AFF1: variants seen among roughly 807,000 people sequenced by gnomAD.
AFF1 encodes the protein ALF transcription elongation factor 1.
Under a neutral mutation model 121.7 loss-of-function variants are expected in AFF1, and 48 were observed. That is an observed-to-expected ratio of 0.39 (90% CI 0.31 to 0.50). The LOEUF is 0.50. Ranked by LOEUF, AFF1 falls within the 20% of genes least tolerant of loss-of-function variation. AFF1 has a pLI of 0.76. For missense variants in AFF1, 1,523 were observed against 1,511.7 expected (o/e 1.01, Z -0.12); for synonymous variants, 613 against 563.0 (o/e 1.09, Z -1.26).
intron 2 of AFF1, among the ~76,000 whole-genome samples, chr4:87,016,461 G>C (rs1488132716): frequency 6.6e-6 from 1 of 151,262 alleles, no homozygotes; most frequent in Non-Finnish European, 1.5e-5. Flanking sequence ...TGAGGCAGGA[G>C]AATGGCATAA....
intron 2 of AFF1, among the ~76,000 whole-genome samples, chr4:86,953,504 A>G (rs1256559430): frequency 1.3e-5 from 2 of 152,188 alleles, no homozygotes; most frequent in African/African-American, 4.8e-5. Context: ...TATTAATGTA[A>G]TGTGCAAAGA....
chr4:87,053,913 G>T (rs1455127325), intron 4 of AFF1, among the ~76,000 whole-genome samples: 2 of 152,182 alleles, frequency 1.3e-5, no homozygotes, highest in African/African-American at 4.8e-5. Flanking sequence ...CTTCTCTGAG[G>T]AAGTACTATT....
chr4:87,006,965 G>A, intron 2 of AFF1: 10 of 1,040,830 alleles, frequency 9.6e-6, no homozygotes, highest in Non-Finnish European at 1.2e-5. Flanking sequence ...CGGCGGACTC[G>A]GACAACTTCA....
At chr4:87,071,425 T>C (rs1464080877) in intron 4 of AFF1, among the ~76,000 whole-genome samples, 2 of 152,304 alleles carry the variant, frequency 1.3e-5, no homozygotes, top group African/African-American at 4.8e-5. Context: ...TAGACAGTGT[T>C]GCTGTGGCTG....
chr4:86,953,536 T>C (rs922366407), intron 2 of AFF1, among the ~76,000 whole-genome samples: 2 of 152,184 alleles, frequency 1.3e-5, no homozygotes, highest in Non-Finnish European at 2.9e-5. Flanking sequence ...TTCTTACAAA[T>C]AATGAGCTTA....
intron 4 of AFF1, among the ~76,000 whole-genome samples, chr4:87,064,969 G>GT (rs1026877711): frequency 5.4e-4 from 82 of 151,930 alleles, no homozygotes; most frequent in African/African-American, 1.9e-3. Flanking sequence ...AGCACAGGAA[G>GT]TGTAGGCTGC....
chr4:87,018,079 T>TTACC (rs774461775), intron 2 of AFF1, among the ~76,000 whole-genome samples: 2 of 152,238 alleles, frequency 1.3e-5, no homozygotes, highest in Non-Finnish European at 2.9e-5. Context: ...GCATATTAAT[T>TTACC]TACCTGCGTA....
chr4:86,961,814 G>C (rs928339259), intron 2 of AFF1, among the ~76,000 whole-genome samples: 3 of 152,074 alleles, frequency 2.0e-5, no homozygotes, highest in African/African-American at 7.2e-5. Context: ...CAGATGTCAG[G>C]TGGCTGCCCT....
chr4:86,956,604 C>T (rs771447712), intron 2 of AFF1, among the ~76,000 whole-genome samples: 6 of 152,130 alleles, frequency 3.9e-5, no homozygotes, highest in Non-Finnish European at 8.8e-5. Context: ...ATTTTCATTC[C>T]CAGCCCCAGG....
chr4:87,084,824 G>A (rs1723556226), intron 5 of AFF1, among the ~76,000 whole-genome samples: 1 of 152,058 alleles, frequency 6.6e-6, no homozygotes, highest in Non-Finnish European at 1.5e-5. Context: ...GTCCATAAAG[G>A]CCCAGGAGAG....
At chr4:86,995,101 T>C (rs1725014625) in intron 2 of AFF1, among the ~76,000 whole-genome samples, 1 of 152,188 alleles carries the variant, frequency 6.6e-6, no homozygotes, top group African/African-American at 2.4e-5. Flanking sequence ...GGTGTGGTGT[T>C]GTGTGCCTGT....
intron 1 of AFF1, chr4:86,935,451 T>A (rs1244502708): frequency 6.6e-6 from 1 of 152,328 alleles, no homozygotes; most frequent in East Asian, 1.9e-4. Flanking sequence ...CTACTTGCGA[T>A]CCCGCGGCAG....
chr4:86,963,537 C>T (rs559128119), intron 2 of AFF1, among the ~76,000 whole-genome samples: 93 of 152,238 alleles, frequency 6.1e-4, no homozygotes, highest in Non-Finnish European at 1.1e-3. Context: ...TCTTTTTCAT[C>T]CAATGCTTTA....
At chr4:86,953,435 G>T (rs1232770369) in intron 2 of AFF1, among the ~76,000 whole-genome samples, 4 of 152,210 alleles carry the variant, frequency 2.6e-5, no homozygotes, top group Non-Finnish European at 5.9e-5. Flanking sequence ...CTAAATTGAA[G>T]TCTGAACGTG....
chr4:87,097,897 C>T (rs949040847), intron 8 of AFF1, among the ~76,000 whole-genome samples: 3 of 152,108 alleles, frequency 2.0e-5, no homozygotes, highest in Admixed American at 6.5e-5. Context: ...TTAGTGCTCG[C>T]GGGTTGATTT....
chr4:87,042,025 A>G (rs540803139), intron 2 of AFF1, among the ~76,000 whole-genome samples: 1 of 151,984 alleles, frequency 6.6e-6, no homozygotes, highest in African/African-American at 2.4e-5. Context: ...AAAAAAAAAA[A>G]AAAGTTGCTA....
In AFF1 at chr4:87,126,532, T is replaced by C. The variant is rs534910130; in HGVS notation, c.2811+196T>C. ...TAATACACAAAGATTTAGGTGTCGA[T>C]TTATTCTTCTTACAGTGATTTCAGA... On this transcript the variant is annotated intron_variant, in intron 14 of 20. Coordinates refer to ENST00000395146, the MANE Select transcript of AFF1 (RefSeq NM_001166693.3). 3.9e-5 allele frequency among the ~76,000 whole-genome samples: 6 copies of C among 152,344 alleles called. No homozygotes were observed. In the South Asian group the frequency reaches 1.0e-3, roughly 26 times the overall value.
intron 2 of AFF1, among the ~76,000 whole-genome samples, chr4:86,986,596 GA>G (rs537119945): frequency 1.5e-4 from 22 of 146,930 alleles, no homozygotes; most frequent in East Asian, 3.9e-4. Context: ...GAACTCTGCA[GA>G]AAAAAAAAAT....
At chr4:87,034,948 C>T (rs185363205) in intron 2 of AFF1, among the ~76,000 whole-genome samples, 22 of 152,292 alleles carry the variant, frequency 1.4e-4, no homozygotes, top group Middle Eastern at 6.8e-3. Flanking sequence ...AAGCGCTGTG[C>T]TGGGTAAGGA....
Sources: allele counts gnomAD v4.1 joint callset (sites outside exome capture counted in the v4.1 genomes callset), GRCh38; gene constraint gnomAD v4.1.1; transcripts MANE v1.5; gene names NCBI Gene and HGNC (gene_info 2026-07-23, HGNC 2026-07-21).